PLCE1: variants seen among roughly 807,000 people sequenced by gnomAD.
PLCE1 encodes phospholipase C epsilon 1, also known as 1-phosphatidylinositol 4,5-bisphosphate phosphodiesterase epsilon-1.
Under a neutral mutation model 242.8 loss-of-function variants are expected in PLCE1, and 119 were observed. The observed-to-expected ratio is 0.49, with a 90% CI of 0.42 to 0.57. The LOEUF is 0.57. Among genes scored for constraint, PLCE1 ranks in the 20% least tolerant of loss-of-function variants. The pLI is 0.00. For synonymous variants in PLCE1, 945 were observed against 1,017.4 expected (o/e 0.93, Z 1.35); for missense variants, 2,441 against 2,788.8 (o/e 0.88, Z 2.81).
In PLCE1 at chr10:93,994,053, C is replaced by T. The variant is rs2060770346; in HGVS notation, c.-570C>T. 6.6e-6 allele frequency among the ~76,000 whole-genome samples: 1 copy of T among 151,022 alleles called. No homozygotes were observed. Among genetic ancestry groups the T allele is most frequent in the Admixed American group, 6.6e-5 (1 of 15,220 alleles). ...CGCGGCGGGAGGGGCAGCGGCGGCG[C>T]GCCCGGGCTCTACCTCCCGGGCTCT... is the stretch of plus-strand genomic sequence containing the variant. On this transcript the variant is annotated 5_prime_UTR_variant, in exon 1 of 33. Transcript: ENST00000371380.
At chr10:94,250,938 G>A (rs750888757) in intron 8 of PLCE1, among the ~76,000 whole-genome samples, 6 of 152,060 alleles carry the variant, frequency 3.9e-5, no homozygotes, top group Non-Finnish European at 7.4e-5. Context: ...TGTTAGCAGG[G>A]ATTCTCTTCA....
At chr10:94,076,120 TGTGTGTGC>T (rs1425387194) in intron 2 of PLCE1, among the ~76,000 whole-genome samples, 1 of 74,396 alleles carries the variant, frequency 1.3e-5, no homozygotes, top group Non-Finnish European at 2.6e-5. Flanking sequence ...TGTGTTTGTG[TGTGTGTGC>T]GTGCGTGTGT....
intron 4 of PLCE1, among the ~76,000 whole-genome samples, chr10:94,203,754 TGAAGA>T (rs1372373593): frequency 6.6e-6 from 1 of 152,182 alleles, no homozygotes; most frequent in Admixed American, 6.5e-5. Flanking sequence ...TTGATGATGA[TGAAGA>T]GAAGAGCAAA....
intron 1 of PLCE1, among the ~76,000 whole-genome samples, chr10:93,998,381 G>A (rs1343441162): frequency 2.6e-5 from 4 of 152,170 alleles, no homozygotes; most frequent in East Asian, 1.9e-4. Flanking sequence ...TACCTCTTGC[G>A]GCACAGTCTC....
intron 4 of PLCE1, among the ~76,000 whole-genome samples, chr10:94,190,433 AC>A (rs2048623630): frequency 6.6e-6 from 1 of 152,152 alleles, no homozygotes; most frequent in Non-Finnish European, 1.5e-5. Context: ...AAACAGCAAG[AC>A]CTTGTCTCTA....
intron 2 of PLCE1, among the ~76,000 whole-genome samples, chr10:94,054,466 T>C (rs1360148520): frequency 6.6e-6 from 1 of 152,160 alleles, no homozygotes; most frequent in Non-Finnish European, 1.5e-5. Context: ...AAGGGAAGGA[T>C]TGGAGTTTCT....
intron 1 of PLCE1, among the ~76,000 whole-genome samples, chr10:93,998,696 A>G (rs2060876515): frequency 1.3e-5 from 2 of 152,170 alleles, no homozygotes; most frequent in Admixed American, 6.5e-5. Flanking sequence ...GGGCTCCTCA[A>G]GTCTTCCCAG....
At chr10:94,212,509 G>A (rs1200986837) in intron 4 of PLCE1, among the ~76,000 whole-genome samples, 1 of 152,086 alleles carries the variant, frequency 6.6e-6, no homozygotes, top group East Asian at 1.9e-4. Context: ...ACCCTCCTTG[G>A]CCTCCCAAAG....
intron 3 of PLCE1, among the ~76,000 whole-genome samples, chr10:94,135,091 G>A (rs761021471): frequency 4.6e-5 from 7 of 152,046 alleles, no homozygotes; most frequent in Non-Finnish European, 8.8e-5. Context: ...CCTTTAACAT[G>A]CAGTGGAAGA....
intron 2 of PLCE1, among the ~76,000 whole-genome samples, chr10:94,079,563 C>T (rs1429596377): frequency 6.6e-6 from 1 of 151,940 alleles, no homozygotes; most frequent in African/African-American, 2.4e-5. Context: ...CAAAACTGTA[C>T]GTTCTGCACA....
At chr10:94,165,662 C>G (rs1302711679) in intron 3 of PLCE1, among the ~76,000 whole-genome samples, 1 of 151,732 alleles carries the variant, frequency 6.6e-6, no homozygotes, top group African/African-American at 2.4e-5. Context: ...GGTTTTTGAG[C>G]ATGAGAAGAT....
intron 4 of PLCE1, among the ~76,000 whole-genome samples, chr10:94,224,207 C>T (rs1380843473): frequency 6.6e-6 from 1 of 152,086 alleles, no homozygotes. Flanking sequence ...GGCAATGGAA[C>T]AGTTGGTTTA....
intron 32 of PLCE1, among the ~76,000 whole-genome samples, chr10:94,327,536 AG>A (rs1329544885): frequency 1.3e-5 from 2 of 152,206 alleles, no homozygotes; most frequent in East Asian, 3.9e-4. Context: ...AGGGAGAGAG[AG>A]CAAAAAGAAA....
chr10:94,277,631 C>T (rs1030258876), intron 19 of PLCE1, among the ~76,000 whole-genome samples: 1 of 152,230 alleles, frequency 6.6e-6, no homozygotes, highest in African/African-American at 2.4e-5. Flanking sequence ...ATTCCCAGCA[C>T]TTGGCATTAC....
At chr10:94,237,001 A>T (rs1179897206) in intron 7 of PLCE1, among the ~76,000 whole-genome samples, 1 of 152,258 alleles carries the variant, frequency 6.6e-6, no homozygotes. Flanking sequence ...ACAAAAATGT[A>T]TACTATGTAG....
At chr10:94,261,173 C>T (rs1210383398) in intron 13 of PLCE1, among the ~76,000 whole-genome samples, 1 of 152,164 alleles carries the variant, frequency 6.6e-6, no homozygotes, top group Non-Finnish European at 1.5e-5. Context: ...CTCCAAATCC[C>T]TGGCAGCCAC....
intron 1 of PLCE1, among the ~76,000 whole-genome samples, chr10:94,013,472 C>A (rs1184374867): frequency 6.6e-6 from 1 of 152,218 alleles, no homozygotes; most frequent in Non-Finnish European, 1.5e-5. Flanking sequence ...TCTCATTTGA[C>A]CCTTCCTACA....
intron 22 of PLCE1, among the ~76,000 whole-genome samples, chr10:94,290,722 C>CAT (rs1178298231): frequency 2.0e-5 from 3 of 151,802 alleles, no homozygotes; most frequent in Middle Eastern, 3.4e-3. Context: ...TACACACACA[C>CAT]ATATATACAC....
chr10:94,288,066 T>A (rs2133382809), intron 22 of PLCE1, among the ~76,000 whole-genome samples: 1 of 152,242 alleles, frequency 6.6e-6, no homozygotes, highest in African/African-American at 2.4e-5. Context: ...AGTGCAACCT[T>A]GTTCTTTTAT....
Sources: allele counts gnomAD v4.1 joint callset (sites outside exome capture counted in the v4.1 genomes callset), GRCh38; gene constraint gnomAD v4.1.1; transcripts MANE v1.5; gene names NCBI Gene and HGNC (gene_info 2026-07-23, HGNC 2026-07-21).